Variants in DDI2 observed in about 807,000 individuals in gnomAD.
DDI2 encodes the protein DDI proteasomal shuttling factor 2.
DDI2 carries 5 observed loss-of-function variants against 48.1 expected under a neutral mutation model. The observed-to-expected ratio is 0.10, with a 90% confidence interval of 0.05 to 0.22. The LOEUF is 0.22. Among genes scored for constraint, DDI2 ranks in the 10% least tolerant of loss-of-function variants. DDI2 has a pLI of 1.00. For synonymous variants in DDI2, 205 were observed against 183.6 expected (o/e 1.12, Z -0.94); for missense variants, 285 against 506.2 (o/e 0.56, Z 4.19).
rs972084232 is a variant in DDI2, at chr1:15,666,076, A to G, written c.*6286A>G. On this transcript the variant is annotated 3_prime_UTR_variant, in exon 10 of 10. Transcript: ENST00000480945. Reference sequence around the variant, plus strand: ...GTGTTAGGAGGTAGAGAAAATAAAAATAGCTTTTTTTTCCCTAGAATTGCT... The same window carrying G: ...GTGTTAGGAGGTAGAGAAAATAAAAGTAGCTTTTTTTTCCCTAGAATTGCT... 9 of 152,180 alleles carry G rather than the reference A, an allele frequency of 5.9e-5. No homozygotes were observed. The highest frequency in any genetic ancestry group is 2.2e-4 in the African/African-American group (9 of 41,446). The allele number at this position is 152,180 out of a possible 1,614,324, so 9.4% of individuals were successfully genotyped here. A position where few individuals can be genotyped will look rare whatever the true frequency, so the allele number is the denominator to read the frequency against.
intron 4 of DDI2, among the ~76,000 whole-genome samples, chr1:15,636,763 G>A (rs1639937129): frequency 6.6e-6 from 1 of 152,224 alleles, no homozygotes; most frequent in Non-Finnish European, 1.5e-5. Flanking sequence ...CCAGGCCTTA[G>A]TGGACTTTCT....
At position 15,659,818 on chromosome 1, in the gene DDI2, TCCCC is replaced by T; in HGVS notation, c.*47-18_*47-15del. 6.7e-7 allele frequency: 1 copy of T among 1,490,658 alleles called. No homozygotes were observed. The highest frequency in any genetic ancestry group is 1.4e-5 in the African/African-American group (1 of 71,556). 92.3% of individuals were successfully genotyped at this position (1,490,658 alleles called of 1,614,324 possible). On this transcript the variant is annotated splice_polypyrimidine_tract_variant and intron_variant, in intron 9 of 9. Coordinates refer to ENST00000480945, the MANE Select transcript of DDI2 (RefSeq NM_032341.5). Reference sequence around the variant, plus strand: ...CACCTGCTAATTAATCTTTTTCCTTTCCCCTGTGTTCCATATAGAGAAAAGTGGT... The same window carrying T: ...CACCTGCTAATTAATCTTTTTCCTTTTGTGTTCCATATAGAGAAAAGTGGT...
In DDI2 at chr1:15,641,369, G is replaced by C. The variant is rs147803846; in HGVS notation, c.761-2153G>C. The stretch of plus-strand genomic sequence containing the variant: ...CACCTGTAATCCCAGCTACTTAGGA[G>C]GCTGAGGCAGGACAATAGCCTGAAC... On this transcript the variant is annotated intron_variant, in intron 5 of 9. Transcript: ENST00000480945. 8.8e-4 allele frequency among the ~76,000 whole-genome samples: 134 copies of C among 152,130 alleles called. 2 individuals are homozygous for C. The East Asian group carries it at 0.023, about 26-fold the overall frequency.
chr1:15,666,121 T>C lies in DDI2; in HGVS notation c.*6331T>C, dbSNP rs1640449296. On this transcript the variant is annotated 3_prime_UTR_variant, in exon 10 of 10. Transcript: ENST00000480945. ...ATTGCTAATTACTCTTAACAACAAA[T>C]TAAATTCAAAGCCTGTCCTTGAGAA... 1.3e-5 allele frequency: 2 copies of C among 152,208 alleles called. No individual in the cohort carries two copies. The highest frequency in any genetic ancestry group is 4.8e-5 in the African/African-American group (2 of 41,456). 9.4% of individuals were successfully genotyped at this position (152,208 alleles called of 1,614,324 possible).
At chr1:15,619,475 T>C (rs1204313469) in intron 1 of DDI2, among the ~76,000 whole-genome samples, 1 of 147,864 alleles carries the variant, frequency 6.8e-6, no homozygotes, top group African/African-American at 2.6e-5. Flanking sequence ...CTTTTCTTTT[T>C]TTTTTTTCGA....
rs950616668 is a variant in DDI2 at position 15,649,667 on chromosome 1, G to A, written c.890-53G>A. On this transcript the variant is annotated intron_variant, in intron 6 of 9. Coordinates refer to ENST00000480945, the MANE Select transcript of DDI2 (RefSeq NM_032341.5). ...GCCTGGGCAACAAGAGCGAAACTCC[G>A]TCTCTGTTTTGAAGTACGTAACAAT... 6.8e-5 allele frequency: 107 copies of A among 1,563,194 alleles called. 1 individual carries two copies. Among genetic ancestry groups the A allele is most frequent in the Middle Eastern group, 1.7e-4 (1 of 5,894 alleles).
rs939471572 is a variant in DDI2, at chr1:15,633,875, A to C, written c.632+310A>C. ...ACCCCCGGACTGAGCAGAAGCCACC[A>C]TCTGGTGAGACCACAAGGCTGGTTG... On this transcript the variant is annotated intron_variant, in intron 4 of 9. Transcript: ENST00000480945. The C allele has an allele frequency of 8.8e-6, 4 of 456,042 alleles. No homozygotes were observed. The Admixed American group carries it at 9.7e-5, about 11-fold the overall frequency. 28.2% of individuals were successfully genotyped at this position (456,042 alleles called of 1,614,324 possible). A position where few individuals can be genotyped will look rare whatever the true frequency, so the allele number is the denominator to read the frequency against.
rs373309434 is a variant in DDI2 at position 15,652,515 on chromosome 1, C to G, written c.1183+620C>G. Reference sequence around the variant, plus strand: ...GAGACCAGCCTGGTCATGGTGAAACCCCATCTCTACTAAAAATATAAAAAT... The same window carrying G: ...GAGACCAGCCTGGTCATGGTGAAACGCCATCTCTACTAAAAATATAAAAAT... On this transcript the variant is annotated intron_variant, in intron 8 of 9. Coordinates refer to ENST00000480945, the MANE Select transcript of DDI2 (RefSeq NM_032341.5). Among the ~76,000 whole-genome samples the G allele has an allele frequency of 1.9e-4, 25 of 130,120 alleles. No homozygotes were observed. The South Asian group carries it at 6.0e-3, about 31-fold the overall frequency. The allele number at this position is 130,120 out of a possible 152,430, so 85.4% of individuals were successfully genotyped here.
rs1287237905 is a variant in DDI2, at chr1:15,649,469, G to A, written c.890-251G>A. Among the ~76,000 whole-genome samples, 3 of 152,058 alleles carry A rather than the reference G, an allele frequency of 2.0e-5. No individual in the cohort carries two copies. The East Asian group carries it at 5.8e-4, about 29-fold the overall frequency. On this transcript the variant is annotated intron_variant, in intron 6 of 9. Coordinates refer to ENST00000480945, the MANE Select transcript of DDI2 (RefSeq NM_032341.5). ...GCAGATAACCTGAGGCCAAGAGTTT[G>A]AGACCAGCCTGACCGACATGGCAAA...
At chr1:15,645,663 G>A (rs1427939581) in intron 6 of DDI2, among the ~76,000 whole-genome samples, 4 of 152,138 alleles carry the variant, frequency 2.6e-5, no homozygotes, top group African/African-American at 9.7e-5. Flanking sequence ...GAGGCCAGGA[G>A]TTTGAGACCA....
rs1640400050 is a variant in DDI2, at chr1:15,662,681, T to C, written c.*2891T>C. 6.6e-6 allele frequency: 1 copy of C among 152,246 alleles called. No individual in the cohort carries two copies. The highest frequency in any genetic ancestry group is 6.5e-5 in the Admixed American group (1 of 15,280). The allele number at this position is 152,246 out of a possible 1,614,324, so 9.4% of individuals were successfully genotyped here. ...AGCTTATTTCCTTTCTAGACTCTTC[T>C]GCCAGGAAGTTCTTCAAACGCTCAG... is the stretch of plus-strand genomic sequence containing the variant. On this transcript the variant is annotated 3_prime_UTR_variant, in exon 10 of 10. Coordinates refer to ENST00000480945, the MANE Select transcript of DDI2 (RefSeq NM_032341.5).
At chr1:15,622,169 G>C (rs1223864863) in intron 1 of DDI2, among the ~76,000 whole-genome samples, 1 of 151,158 alleles carries the variant, frequency 6.6e-6, no homozygotes, top group African/African-American at 2.4e-5. Context: ...AACATGTTGG[G>C]GTCAAGGGAT....
rs902494749 is a variant in DDI2, at chr1:15,664,563, T to G, written c.*4773T>G. ...ACCTTCATCGTCAGCTTTTATTCAATTAAGAGCTCCAGAAATGCAGAAATT... is the reference window on the plus strand; with the variant it reads ...ACCTTCATCGTCAGCTTTTATTCAAGTAAGAGCTCCAGAAATGCAGAAATT... On this transcript the variant is annotated 3_prime_UTR_variant, in exon 10 of 10. Coordinates refer to ENST00000480945, the MANE Select transcript of DDI2 (RefSeq NM_032341.5). 2.6e-5 allele frequency: 4 copies of G among 152,266 alleles called. No individual in the cohort carries two copies. Among genetic ancestry groups the G allele is most frequent in the African/African-American group, 9.6e-5 (4 of 41,536 alleles). 9.4% of individuals were successfully genotyped at this position (152,266 alleles called of 1,614,324 possible). A position where few individuals can be genotyped will look rare whatever the true frequency, so the allele number is the denominator to read the frequency against.
At chr1:15,633,174 C>G (rs1639874420) in intron 3 of DDI2, among the ~76,000 whole-genome samples, 1 of 152,038 alleles carries the variant, frequency 6.6e-6, no homozygotes, top group Non-Finnish European at 1.5e-5. Flanking sequence ...AACGGTCCTC[C>G]CACCTCAGCC....
At chr1:15,630,003 A>AT (rs1639818049) in intron 2 of DDI2, among the ~76,000 whole-genome samples, 3 of 152,160 alleles carry the variant, frequency 2.0e-5, no homozygotes, top group Admixed American at 2.0e-4. Flanking sequence ...AAGTGCTGGG[A>AT]TTACAGGTGT....
chr1:15,649,951 T>A, intron 7 of DDI2, 128 bp downstream of exon 7: 1 of 839,814 alleles, frequency 1.2e-6, no homozygotes, highest in Non-Finnish European at 1.8e-6. Context: ...GGAAATGTCC[T>A]TAAATTATGT....
At position 15,633,478 on chromosome 1, in the gene DDI2, G is replaced by A. The variant is rs756578455; in HGVS notation, c.545G>A (p.Arg182Gln). 8 of 1,613,592 alleles carry A rather than the reference G, an allele frequency of 5.0e-6. No homozygotes were observed. Among genetic ancestry groups the A allele is most frequent in the African/African-American group, 1.3e-5 (1 of 74,902 alleles). ...GTCCTGGTGGAGCAGCAGCAGGACC[G>A]AGCCCGGAGAGAGCAAGAAAGGATT... The part of the protein sequence containing the change: ...SRVLVEQQQD[R>Q]ARREQERIRL... Residue 182 changes from arginine (R) to glutamine (Q), a missense_variant, in exon 4 of 10, where the codon CGA (arginine) becomes CAA (glutamine). By Grantham distance (43) the Arg-to-Gln change is conservative. Around this residue, in one of 3 missense-constraint regions of DDI2, gnomAD observed 149 missense variants for 236.5 expected, o/e 0.63. Transcript: ENST00000480945.
At chr1:15,619,795 C>T (rs1327555761) in intron 1 of DDI2, among the ~76,000 whole-genome samples, 2 of 152,078 alleles carry the variant, frequency 1.3e-5, no homozygotes, top group East Asian at 3.9e-4. Context: ...GTTATATTAC[C>T]CTGGTTATGA....
intron 2 of DDI2, among the ~76,000 whole-genome samples, chr1:15,628,052 A>G (rs1428859938): frequency 3.3e-5 from 5 of 151,832 alleles, no homozygotes; most frequent in African/African-American, 1.2e-4. Flanking sequence ...TAATTCCGGA[A>G]TTTACTTCTT....
Sources: allele counts gnomAD v4.1 joint callset (sites outside exome capture counted in the v4.1 genomes callset), GRCh38; gene constraint gnomAD v4.1.1; regional missense constraint gnomAD v4.1.1; transcripts MANE v1.5; gene names NCBI Gene and HGNC (gene_info 2026-07-23, HGNC 2026-07-21).